Variants in NRXN3 observed in about 807,000 individuals in gnomAD.
NRXN3 encodes neurexin III.
In NRXN3, 32 loss-of-function variants were observed where a neutral mutation model predicts 137.6. That is an observed-to-expected ratio of 0.23 (90% CI 0.18 to 0.31). The LOEUF (loss-of-function observed/expected upper bound fraction) is 0.31, where lower values mean the gene tolerates loss of function less well. NRXN3 is among the 10% of genes least tolerant of loss of function. NRXN3 has a pLI of 1.00. For missense variants in NRXN3, 1,574 were observed against 2,062.5 expected (o/e 0.76, Z 4.59); for synonymous variants, 798 against 784.5 (o/e 1.02, Z -0.29).
At chr14:78,290,735 T>C (rs188031168) in intron 3 of NRXN3, among the ~76,000 whole-genome samples, 46 of 152,280 alleles carry the variant, frequency 3.0e-4, no homozygotes, top group African/African-American at 1.1e-3. Flanking sequence ...GTGCCCTGCC[T>C]CCTGCCCATG....
chr14:79,055,438 T>C (rs2099657440), intron 15 of NRXN3, among the ~76,000 whole-genome samples: 1 of 152,226 alleles, frequency 6.6e-6, no homozygotes, highest in Non-Finnish European at 1.5e-5. Flanking sequence ...AATCAAATGA[T>C]GTAATTGCCT....
At chr14:79,333,332 T>A (rs2153335367) in intron 15 of NRXN3, among the ~76,000 whole-genome samples, 1 of 152,320 alleles carries the variant, frequency 6.6e-6, no homozygotes, top group East Asian at 1.9e-4. Flanking sequence ...TGGCTCGTTC[T>A]GCTACTTTTC....
intron 4 of NRXN3, among the ~76,000 whole-genome samples, chr14:78,544,776 A>G (rs186636345): frequency 7.6e-4 from 116 of 152,320 alleles, no homozygotes; most frequent in African/African-American, 2.6e-3. Context: ...TAGAGTTGCA[A>G]TCTTCTTGGG....
intron 20 of NRXN3, among the ~76,000 whole-genome samples, chr14:79,853,181 T>C (rs1255622009): frequency 1.3e-5 from 2 of 152,148 alleles, no homozygotes; most frequent in Non-Finnish European, 2.9e-5. Context: ...GTAGTGCGTC[T>C]CAATCACCTC....
At chr14:78,170,955 T>C (rs11625575) in intron 1 of NRXN3, among the ~76,000 whole-genome samples, 16,984 of 69,190 alleles carry the variant, frequency 0.25, 1,058 homozygotes, top group East Asian at 0.31. Context: ...TCTTCTTCTT[T>C]TTTTTTTTTT....
intron 16 of NRXN3, among the ~76,000 whole-genome samples, chr14:79,515,005 C>T (rs551107937): frequency 6.6e-6 from 1 of 150,644 alleles, no homozygotes; most frequent in African/African-American, 2.5e-5. Flanking sequence ...AATTATTTAA[C>T]TCCTTCAGTC....
At chr14:79,374,175 G>T (rs1260290464) in intron 15 of NRXN3, among the ~76,000 whole-genome samples, 1 of 151,968 alleles carries the variant, frequency 6.6e-6, no homozygotes, top group Non-Finnish European at 1.5e-5. Context: ...GTACTATATG[G>T]CACTCAAAAC....
chr14:79,745,761 G>T (rs905173272), intron 19 of NRXN3, among the ~76,000 whole-genome samples: 1 of 136,556 alleles, frequency 7.3e-6, no homozygotes, highest in South Asian at 2.4e-4. Flanking sequence ...GCTCCCCCCT[G>T]CAATCTGCAG....
At chr14:78,931,198 A>G (rs1567737310) in intron 10 of NRXN3, among the ~76,000 whole-genome samples, 1 of 152,104 alleles carries the variant, frequency 6.6e-6, no homozygotes, top group Non-Finnish European at 1.5e-5. Context: ...AATTTAACAG[A>G]TTATTTGGAT....
At chr14:79,279,319 C>T (rs1021250040) in intron 15 of NRXN3, 1 of 982,266 alleles carries the variant, frequency 1.0e-6, no homozygotes, top group Non-Finnish European at 1.2e-6. Context: ...CTGATTTGCT[C>T]TCGGGAGTGC....
intron 15 of NRXN3, among the ~76,000 whole-genome samples, chr14:79,315,870 T>C (rs902595641): frequency 6.6e-6 from 1 of 152,210 alleles, no homozygotes. Flanking sequence ...CTTTATTTCT[T>C]AATATGGACA....
intron 16 of NRXN3, among the ~76,000 whole-genome samples, chr14:79,538,495 G>C (rs1423171702): frequency 6.6e-6 from 1 of 152,162 alleles, no homozygotes; most frequent in East Asian, 1.9e-4. Context: ...GTAAGGAAGG[G>C]ATCCAGTTTC....
chr14:78,173,703 T>C (rs1231071481), intron 1 of NRXN3, among the ~76,000 whole-genome samples: 2 of 66,148 alleles, frequency 3.0e-5, no homozygotes, highest in Non-Finnish European at 6.3e-5. Context: ...TTTCCCTTTT[T>C]CCTTGCTTTT....
At chr14:79,620,162 C>A (rs1196206559) in intron 16 of NRXN3, among the ~76,000 whole-genome samples, 1 of 151,960 alleles carries the variant, frequency 6.6e-6, no homozygotes, top group African/African-American at 2.4e-5. Context: ...GAATAATTTC[C>A]AGAAAGAAAT....
At chr14:78,178,522 G>C (rs1595617204) in intron 1 of NRXN3, among the ~76,000 whole-genome samples, 2 of 152,172 alleles carry the variant, frequency 1.3e-5, no homozygotes, top group Admixed American at 6.5e-5. Flanking sequence ...GTGGGCAGAA[G>C]GTAGAGAACC....
intron 1 of NRXN3, among the ~76,000 whole-genome samples, chr14:78,222,331 C>T (rs1242334056): frequency 7.0e-6 from 1 of 143,088 alleles, no homozygotes; most frequent in African/African-American, 2.8e-5. Context: ...CACACACACA[C>T]ATACACACAC....
intron 16 of NRXN3, chr14:79,661,587 T>C (rs1305531721): frequency 6.6e-6 from 1 of 152,148 alleles, no homozygotes; most frequent in Non-Finnish European, 1.5e-5. Context: ...TTGTTGACTT[T>C]AGGTGTAGTA....
intron 4 of NRXN3, among the ~76,000 whole-genome samples, chr14:78,298,420 C>T (rs1328554106): frequency 6.6e-6 from 1 of 152,206 alleles, no homozygotes; most frequent in Non-Finnish European, 1.5e-5. Context: ...ATGCTAATGT[C>T]CTCATGGCAG....
intron 19 of NRXN3, among the ~76,000 whole-genome samples, chr14:79,747,431 C>G (rs2098983070): frequency 6.6e-6 from 1 of 152,022 alleles, no homozygotes; most frequent in Non-Finnish European, 1.5e-5. Context: ...ACAACTTCTC[C>G]AGGAAAATAG....
Sources: gnomAD v4.1 joint callset for allele counts (sites outside exome capture counted in the v4.1 genomes callset) on GRCh38, gnomAD v4.1.1 for gene constraint, MANE v1.5 for transcripts, NCBI Gene and HGNC (gene_info 2026-07-23, HGNC 2026-07-21) for gene names.